Variants in CFAP299 observed in about 807,000 individuals in gnomAD.
The protein encoded by CFAP299 is cilia and flagella associated protein 299.
CFAP299 carries 21 observed loss-of-function variants against 27.0 expected under a neutral mutation model. That is an observed-to-expected ratio of 0.78 (90% CI 0.55 to 1.12). CFAP299 has a LOEUF of 1.12. Among genes scored for constraint, CFAP299 ranks in the 50% most tolerant of loss-of-function variants. The pLI is 0.00. For missense variants in CFAP299, 310 were observed against 276.6 expected (o/e 1.12, Z -0.86); for synonymous variants, 104 against 98.1 (o/e 1.06, Z -0.36).
intron 3 of CFAP299, among the ~76,000 whole-genome samples, chr4:80,804,939 G>T (rs1728789359): frequency 2.6e-5 from 4 of 152,006 alleles, no homozygotes; most frequent in Admixed American, 2.6e-4. Flanking sequence ...TAGCTTTTAT[G>T]TTCCTCATTT....
At chr4:80,529,014 A>G (rs759138089) in intron 2 of CFAP299, among the ~76,000 whole-genome samples, 7 of 152,098 alleles carry the variant, frequency 4.6e-5, no homozygotes, top group Non-Finnish European at 8.8e-5. Flanking sequence ...TGCCTGGATT[A>G]TTTCTATAGC....
intron 3 of CFAP299, among the ~76,000 whole-genome samples, chr4:80,674,193 A>G (rs1480547049): frequency 2.0e-5 from 3 of 152,080 alleles, no homozygotes; most frequent in African/African-American, 7.3e-5. Context: ...TGCTTCTTTC[A>G]GGAGCTCTTT....
At chr4:80,947,741 C>T (rs975711980) in intron 5 of CFAP299, among the ~76,000 whole-genome samples, 12 of 152,076 alleles carry the variant, frequency 7.9e-5, no homozygotes, top group African/African-American at 2.9e-4. Context: ...AGTAGAAAGA[C>T]ACTTATATAT....
intron 1 of CFAP299, among the ~76,000 whole-genome samples, chr4:80,347,095 A>C (rs1722768451): frequency 6.6e-6 from 1 of 152,058 alleles, no homozygotes; most frequent in African/African-American, 2.4e-5. Flanking sequence ...GGTGTTTAGG[A>C]ATGCTTGTGA....
intron 4 of CFAP299, among the ~76,000 whole-genome samples, chr4:80,914,475 C>T (rs1028726929): frequency 6.6e-6 from 1 of 152,088 alleles, no homozygotes; most frequent in African/African-American, 2.4e-5. Context: ...GTATCCTCTA[C>T]CCTCTAGATG....
At chr4:80,700,968 A>C (rs1721438580) in intron 3 of CFAP299, among the ~76,000 whole-genome samples, 1 of 152,034 alleles carries the variant, frequency 6.6e-6, no homozygotes, top group South Asian at 2.1e-4. Context: ...CATTATCTTT[A>C]TAGATCCTCA....
chr4:80,497,475 TA>T (rs1014992061), intron 2 of CFAP299, among the ~76,000 whole-genome samples: 1 of 152,114 alleles, frequency 6.6e-6, no homozygotes, highest in Non-Finnish European at 1.5e-5. Flanking sequence ...AACTTTTTAT[TA>T]AAAAACTTTT....
chr4:80,561,505 C>T (rs1475441557), intron 2 of CFAP299, among the ~76,000 whole-genome samples: 2 of 151,952 alleles, frequency 1.3e-5, no homozygotes, highest in African/African-American at 4.8e-5. Context: ...AAATGTGTGA[C>T]CTTTCAGACA....
At chr4:80,906,638 C>T (rs1012425764) in intron 4 of CFAP299, among the ~76,000 whole-genome samples, 1 of 152,222 alleles carries the variant, frequency 6.6e-6, no homozygotes. Flanking sequence ...GTCTTCTGCA[C>T]ACCTGCAGGA....
At chr4:80,572,533 T>TTTTTTTTTTTTTTTG (rs1735640608) in intron 2 of CFAP299, among the ~76,000 whole-genome samples, 1 of 140,426 alleles carries the variant, frequency 7.1e-6, no homozygotes, top group African/African-American at 2.6e-5. Flanking sequence ...TTTTTTTTTT[T>TTTTTTTTTTTTTTTG]TTGAGAGGGA....
chr4:80,855,577 C>G (rs1731813287), intron 3 of CFAP299, among the ~76,000 whole-genome samples: 1 of 152,046 alleles, frequency 6.6e-6, no homozygotes, highest in African/African-American at 2.4e-5. Flanking sequence ...CCACAACAGT[C>G]CCCAGAGTGT....
intron 4 of CFAP299, among the ~76,000 whole-genome samples, chr4:80,901,896 T>C (rs1052565699): frequency 1.5e-4 from 23 of 152,274 alleles, no homozygotes; most frequent in African/African-American, 4.8e-4. Context: ...GCTGAGTTTT[T>C]CCCCGTCCTC....
At chr4:80,900,195 G>A (rs971422266) in intron 4 of CFAP299, among the ~76,000 whole-genome samples, 7 of 146,092 alleles carry the variant, frequency 4.8e-5, no homozygotes, top group Non-Finnish European at 7.5e-5. Context: ...AGTCTATAAC[G>A]GAAATGTGAT....
At position 80,719,145 on chromosome 4, in the gene CFAP299, G is replaced by A. The variant is rs1030253656; in HGVS notation, c.333+135962G>A. Among the ~76,000 whole-genome samples, 8 of 152,108 alleles carry A rather than the reference G, an allele frequency of 5.3e-5. No homozygotes were observed. In the South Asian group the frequency reaches 6.2e-4, roughly 12 times the overall value. ...AACAGACATTGGGACCCACTTGAAC[G>A]TGGAGGGTGGAAGGGAAAGGATCAG... On this transcript the variant is annotated intron_variant, in intron 3 of 5. Transcript: ENST00000358105.
chr4:80,718,368 C>T (rs1722612800), intron 3 of CFAP299, among the ~76,000 whole-genome samples: 2 of 151,966 alleles, frequency 1.3e-5, no homozygotes, highest in African/African-American at 4.8e-5. Flanking sequence ...GAAGAAACTA[C>T]AGAAGTAGGA....
chr4:80,465,723 C>G (rs530642428), intron 2 of CFAP299, among the ~76,000 whole-genome samples: 2 of 152,186 alleles, frequency 1.3e-5, no homozygotes, highest in East Asian at 3.9e-4. Context: ...AAAACTAAAC[C>G]AAACAGACCA....
At chr4:80,512,080 C>T (rs1041730437) in intron 2 of CFAP299, among the ~76,000 whole-genome samples, 3 of 152,274 alleles carry the variant, frequency 2.0e-5, no homozygotes, top group Non-Finnish European at 2.9e-5. Context: ...AGTCGTTCAA[C>T]TCTTTCAGCA....
chr4:80,401,301 G>A (rs1297824741), intron 2 of CFAP299, among the ~76,000 whole-genome samples: 1 of 152,188 alleles, frequency 6.6e-6, no homozygotes, highest in Non-Finnish European at 1.5e-5. Flanking sequence ...CCATGCCAGA[G>A]ACCCTCACAG....
At chr4:80,608,898 CAGAG>C (rs200274431) in intron 3 of CFAP299, among the ~76,000 whole-genome samples, 1,746 of 149,614 alleles carry the variant, frequency 0.012, 15 homozygotes, top group Non-Finnish European at 0.018. Flanking sequence ...TGTATGTGCA[CAGAG>C]AAAGAGGGGA....
Sources: gnomAD v4.1 joint callset for allele counts (sites outside exome capture counted in the v4.1 genomes callset) on GRCh38, gnomAD v4.1.1 for gene constraint, MANE v1.5 for transcripts, NCBI Gene and HGNC (gene_info 2026-07-23, HGNC 2026-07-21) for gene names.